Variants in MYBBP1A observed in about 807,000 individuals in gnomAD.
MYBBP1A encodes myb-binding protein 1A.
In MYBBP1A, 147 loss-of-function variants were observed where a neutral mutation model predicts 136.3. That is an observed-to-expected ratio of 1.08 (90% CI 0.94 to 1.24). The LOEUF (loss-of-function observed/expected upper bound fraction) is 1.24. Among genes scored for constraint, MYBBP1A ranks in the 50% most tolerant of loss-of-function variants. The pLI, the probability that MYBBP1A is intolerant of heterozygous loss-of-function variation, is 0.00. For missense variants in MYBBP1A, 2,060 were observed against 1,727.4 expected, an observed-to-expected ratio of 1.19 and a Z score of -3.41; for synonymous variants, 947 against 735.8, an observed-to-expected ratio of 1.29 and a Z score of -4.65.
rs1309671689 is a variant in MYBBP1A at position 4,544,479 on chromosome 17, C to G, written c.2639+10G>C. On this transcript the variant is annotated intron_variant, in intron 19 of 25. Transcript: ENST00000254718. ...GGCCACACCTGCCCGCCCTGCACCC[C>G]CGTGCTCACGTGAAGATGCGCGCCG... 6.5e-7 allele frequency: 1 copy of G among 1,546,906 alleles called. No homozygotes were observed. Among genetic ancestry groups the G allele is most frequent in the Admixed American group, 2.0e-5 (1 of 51,074 alleles).
chr17:4,543,215 G>C, intron 19 of MYBBP1A, 50 bp from the exon 20 acceptor site: 1 of 1,535,858 alleles, frequency 6.5e-7, no homozygotes, highest in Non-Finnish European at 8.7e-7. Context: ...GGTCCACCCT[G>C]CTCCGCCAAG....
Position 4,545,097 on chromosome 17 carries a change from CCTCCTCCTCGCT to C in MYBBP1A, c.2227_2238del (p.Ser743_Glu746del), listed in dbSNP as rs989211185. ...CCCTGATCCACGTCCCCGTCGCGCTCCTCCTCCTCGCTCTCCTCCCCCTCGCTCTCCTCTTCA... is the reference window on the plus strand; with the variant it reads ...CCCTGATCCACGTCCCCGTCGCGCTCCTCCTCCCCCTCGCTCTCCTCTTCA... On this transcript the variant is annotated inframe_deletion, in exon 17 of 26. Coordinates refer to ENST00000254718, the MANE Select transcript of MYBBP1A (RefSeq NM_014520.4). 6.3e-7 allele frequency: 1 copy of C among 1,599,434 alleles called. No individual in the cohort carries two copies. Among genetic ancestry groups the C allele is most frequent in the Non-Finnish European group, 8.5e-7 (1 of 1,173,644 alleles).
rs1189133043 is a variant in MYBBP1A, at chr17:4,541,898, G to A, written c.3088-7C>T. 2.5e-6 allele frequency: 4 copies of A among 1,610,008 alleles called. No individual in the cohort carries two copies. The highest frequency in any genetic ancestry group is 3.4e-6 in the Non-Finnish European group (4 of 1,177,578). ...TCTGGAGCAGCAGGCAGGCCTGTGG[G>A]TGGGCAAAGGTGGGTGGCAGGAGCC... On this transcript the variant is annotated splice_polypyrimidine_tract_variant and splice_region_variant and intron_variant, in intron 22 of 25. Transcript: ENST00000254718.
In MYBBP1A at chr17:4,546,244, A is replaced by G. The variant is rs140485767; in HGVS notation, c.1825-302T>C. 5.3e-3 allele frequency among the ~76,000 whole-genome samples: 813 copies of G among 152,166 alleles called. 1 individual carries two copies. Among genetic ancestry groups the G allele is most frequent in the Non-Finnish European group, 9.0e-3 (613 of 68,012 alleles). On this transcript the variant is annotated intron_variant, in intron 13 of 25. Transcript: ENST00000254718. ...AGCCATTCTCCTGCCTCAGCCTCCC[A>G]AGTAGCTGGGATTGCAGGCGTGTAC...
At position 4,552,105 on chromosome 17, in the gene MYBBP1A, A is replaced by G; in HGVS notation, c.905+20T>C. The G allele has an allele frequency of 6.2e-7, 1 of 1,609,178 alleles. No individual in the cohort carries two copies. The highest frequency in any genetic ancestry group is 1.1e-5 in the South Asian group (1 of 90,464). ...CACGGACAGGGAAGGGGGCCGAGAGAGGACACGCGTCGCCCGCACCTGGCT... is the reference window on the plus strand; with the variant it reads ...CACGGACAGGGAAGGGGGCCGAGAGGGGACACGCGTCGCCCGCACCTGGCT... On this transcript the variant is annotated intron_variant, in intron 7 of 25. Transcript: ENST00000254718. This position sits in a 1 kb window ranked among gnomAD's most constrained non-coding sequence, Gnocchi z 4.7.
In MYBBP1A at chr17:4,543,235, C is replaced by A. The variant is rs890346576; in HGVS notation, c.2640-70G>T. On this transcript the variant is annotated intron_variant, in intron 19 of 25. Transcript: ENST00000254718. ...ACCCTGCTCCGCCAAGCAGAGCCAA[C>A]CCAAGTCCCACTTTATAAGTGGGGA... The A allele has an allele frequency of 5.3e-6, 8 of 1,497,722 alleles. No homozygotes were observed. The African/African-American group carries it at 1.1e-4, about 21-fold the overall frequency. 92.8% of individuals were successfully genotyped at this position (1,497,722 alleles called of 1,614,324 possible). A position where few individuals can be genotyped will look rare whatever the true frequency, so the allele number is the denominator to read the frequency against.
chr17:4,541,738 G>A, intron 23 of MYBBP1A, 46 bp downstream of exon 23: 1 of 1,550,082 alleles, frequency 6.5e-7, no homozygotes, highest in Non-Finnish European at 8.9e-7. Context: ...GTCTCCCGGA[G>A]AACTGATTCT....
At chr17:4,543,221 C>A in intron 19 of MYBBP1A, 56 bp from the exon 20 acceptor site, 4 of 1,520,082 alleles carry the variant, frequency 2.6e-6, no homozygotes, top group South Asian at 1.3e-5. Context: ...CCCTGCTCCG[C>A]CAAGCAGAGC....
intron 13 of MYBBP1A, 137 bp from the exon 14 acceptor site, chr17:4,546,079 AC>A: frequency 1.4e-6 from 1 of 731,508 alleles, no homozygotes; most frequent in Non-Finnish European, 2.3e-6. Context: ...CTGGCCAGTC[AC>A]CCCCACAATC....
intron 10 of MYBBP1A, 121 bp downstream of exon 10, chr17:4,549,211 C>A: frequency 1.3e-6 from 1 of 781,728 alleles, no homozygotes; most frequent in East Asian, 2.8e-5. Context: ...TGTGCCTGCC[C>A]CCCACTGATG....
chr17:4,539,162 G>C lies in MYBBP1A; in HGVS notation c.*253C>G. 6.8e-7 allele frequency: 1 copy of C among 1,461,868 alleles called. No homozygotes were observed. 90.6% of individuals were successfully genotyped at this position (1,461,868 alleles called of 1,614,324 possible). A position where few individuals can be genotyped will look rare whatever the true frequency, so the allele number is the denominator to read the frequency against. ...AACCCAGGCAAACACCAGAGCCCTGGACATGGCCCTGGAGCCAGGGTCCCA... is the reference window on the plus strand; with the variant it reads ...AACCCAGGCAAACACCAGAGCCCTGCACATGGCCCTGGAGCCAGGGTCCCA... On this transcript the variant is annotated 3_prime_UTR_variant, in exon 26 of 26. Coordinates refer to ENST00000254718, the MANE Select transcript of MYBBP1A (RefSeq NM_014520.4).
chr17:4,545,216 G>A (rs956508933), intron 16 of MYBBP1A, 41 bp from the exon 17 acceptor site: 16 of 1,612,156 alleles, frequency 9.9e-6, no homozygotes, highest in African/African-American at 1.3e-5. Flanking sequence ...CTCCCCGATC[G>A]TCCCACTCCC....
chr17:4,554,362 C>G (rs1237285116), intron 2 of MYBBP1A, 84 bp from the exon 3 acceptor site: 2 of 1,206,888 alleles, frequency 1.7e-6, no homozygotes, highest in Non-Finnish European at 2.4e-6. Context: ...TCCCTTCCCC[C>G]TTCAACTTCT....
intron 8 of MYBBP1A, among the ~76,000 whole-genome samples, chr17:4,551,514 G>C (rs1907498059): frequency 6.6e-6 from 1 of 152,354 alleles, no homozygotes; most frequent in Non-Finnish European, 1.5e-5. Context: ...TTCGAGACCA[G>C]CCTGGCCAAC....
intron 25 of MYBBP1A, among the ~76,000 whole-genome samples, 165 bp from the exon 26 acceptor site, chr17:4,540,132 CT>C (rs1325585737): frequency 6.7e-4 from 99 of 148,442 alleles, no homozygotes; most frequent in African/African-American, 2.4e-3. Flanking sequence ...TGCGAGGCCC[CT>C]GGGTCCTGCG....
Position 4,539,808 on chromosome 17 carries a change from TGCA to T in MYBBP1A, c.3591_3593del (p.Ala1199del), listed in dbSNP as rs780777244. 4 of 1,611,910 alleles carry T rather than the reference TGCA, an allele frequency of 2.5e-6. No homozygotes were observed. The South Asian group carries it at 3.3e-5, about 13-fold the overall frequency. The stretch of plus-strand genomic sequence containing the variant: ...TGGGGGGCTGGCTCCCGCCGGTGGC[TGCA>T]GGTGTGCCATCCTCCGCTGGCGTGC... On this transcript the variant is annotated inframe_deletion, in exon 26 of 26. Transcript: ENST00000254718.
At chr17:4,547,661 C>A in intron 13 of MYBBP1A, 1 of 362,308 alleles carries the variant, frequency 2.8e-6, no homozygotes, top group Non-Finnish European at 5.0e-6. Flanking sequence ...GGGTACAGTG[C>A]AAGCTCCTTT....
chr17:4,545,660 C>G lies in MYBBP1A; in HGVS notation c.2023G>C (p.Gly675Arg). Residue 675 changes from glycine (G) to arginine (R), a missense_variant, in exon 15 of 26, where the codon GGC (glycine) becomes CGC (arginine). Transcript: ENST00000254718. ...GGGGTCAGGTGGGAGCAGATGTGGC[C>G]AAACACGCTCCGGGCCACCTGGCGC... Reference protein sequence around the residue: ...LMRQVARSVFGHICSHLTPRA... With the variant: ...LMRQVARSVFRHICSHLTPRA... The G allele has an allele frequency of 6.2e-7, 1 of 1,611,164 alleles. No individual in the cohort carries two copies. Among genetic ancestry groups the G allele is most frequent in the South Asian group, 1.1e-5 (1 of 90,912 alleles).
intron 9 of MYBBP1A, among the ~76,000 whole-genome samples, chr17:4,549,798 A>G (rs903529826): frequency 2.6e-5 from 4 of 151,428 alleles, no homozygotes; most frequent in Non-Finnish European, 4.4e-5. Context: ...AAAAAAAAAA[A>G]AAAAAAAAAA....
Sources: gnomAD v4.1 joint callset for allele counts (sites outside exome capture counted in the v4.1 genomes callset) on GRCh38, gnomAD v4.1.1 for gene constraint, Gnocchi (gnomAD v3.1) non-coding constraint, MANE v1.5 for transcripts, NCBI Gene and HGNC (gene_info 2026-07-23, HGNC 2026-07-21) for gene names.